Variants in STRADA observed in about 807,000 individuals in gnomAD.
STRADA encodes STE20-related kinase adapter protein alpha.
A neutral mutation model predicts 55.0 loss-of-function variants in STRADA; 26 were observed. The ratio of observed to expected loss-of-function variants is 0.47; its 90% CI spans 0.35 to 0.66. The LOEUF is 0.66. Among genes scored for constraint, STRADA ranks in the 30% least tolerant of loss-of-function variants. The pLI, the probability that STRADA is intolerant of heterozygous loss-of-function variation, is 0.01. For missense variants in STRADA, 443 were observed against 549.7 expected, an observed-to-expected ratio of 0.81 and a Z score of 1.94; for synonymous variants, 197 against 210.9, an observed-to-expected ratio of 0.93 and a Z score of 0.57.
intron 1 of STRADA, among the ~76,000 whole-genome samples, chr17:63,734,975 G>C (rs1450498038): frequency 6.6e-6 from 1 of 152,108 alleles, no homozygotes; most frequent in African/African-American, 2.4e-5. Flanking sequence ...CTGACCAACA[G>C]GGAGAAACCC....
chr17:63,738,284 T>C (rs2038597963), intron 1 of STRADA, among the ~76,000 whole-genome samples: 1 of 136,958 alleles, frequency 7.3e-6, no homozygotes. Flanking sequence ...GAGGTTGTAG[T>C]GAGCCGAGAG....
intron 1 of STRADA, among the ~76,000 whole-genome samples, chr17:63,729,974 A>G (rs1016624778): frequency 6.6e-6 from 1 of 151,616 alleles, no homozygotes; most frequent in Admixed American, 6.6e-5. Context: ...AGTAGCTGGG[A>G]TAACAGGTGC....
intron 6 of STRADA, among the ~76,000 whole-genome samples, chr17:63,713,109 G>A (rs2036616863): frequency 6.6e-6 from 1 of 152,140 alleles, no homozygotes; most frequent in Non-Finnish European, 1.5e-5. Context: ...TCTGGAACAA[G>A]ATGGCCTGGG....
chr17:63,723,084 A>G (rs1391996030), intron 4 of STRADA, among the ~76,000 whole-genome samples: 1 of 152,192 alleles, frequency 6.6e-6, no homozygotes, highest in Non-Finnish European at 1.5e-5. Flanking sequence ...AAGAGACAAA[A>G]ACTACCTGAG....
chr17:63,721,185 A>G (rs918498673), intron 4 of STRADA, among the ~76,000 whole-genome samples: 3 of 151,332 alleles, frequency 2.0e-5, no homozygotes, highest in African/African-American at 7.3e-5. Context: ...CATCCTGGAC[A>G]ACATGGTGAA....
chr17:63,708,986 T>C (rs1203331010), intron 8 of STRADA, among the ~76,000 whole-genome samples: 2 of 152,220 alleles, frequency 1.3e-5, no homozygotes, highest in Admixed American at 1.3e-4. Context: ...TATTGCTAGC[T>C]GTGTACCTTT....
chr17:63,711,638 T>C (rs2036504500), intron 6 of STRADA, among the ~76,000 whole-genome samples: 1 of 151,796 alleles, frequency 6.6e-6, no homozygotes, highest in South Asian at 2.1e-4. Flanking sequence ...ATGTTTCTAT[T>C]ATAAAAGAAA....
rs954653143 is a variant in STRADA, at chr17:63,703,258, G to A, written c.*341C>T. On this transcript the variant is annotated 3_prime_UTR_variant, in exon 13 of 13. Coordinates refer to ENST00000336174, the MANE Select transcript of STRADA (RefSeq NM_001003787.4). ...GCACTGGGAAGAGGTGGCGGTCCTC[G>A]GGTTTAAGGAGCCAAACCCTGGGCT... 4 of 217,996 alleles carry A rather than the reference G, an allele frequency of 1.8e-5. No individual in the cohort carries two copies. Among genetic ancestry groups the A allele is most frequent in the East Asian group, 1.1e-4 (1 of 8,708 alleles). The allele number at this position is 217,996 out of a possible 1,614,324, so 13.5% of individuals were successfully genotyped here.
intron 1 of STRADA, among the ~76,000 whole-genome samples, chr17:63,732,810 G>A (rs1319244125): frequency 6.6e-6 from 1 of 152,096 alleles, no homozygotes; most frequent in African/African-American, 2.4e-5. Flanking sequence ...TTGAACTCCT[G>A]GGCTCAAGTG....
intron 10 of STRADA, chr17:63,704,930 A>G: frequency 6.5e-7 from 1 of 1,533,934 alleles, no homozygotes; most frequent in Admixed American, 2.0e-5. Flanking sequence ...GAGCAGTCAG[A>G]TGAACCTGCT....
At chr17:63,703,810 T>C in intron 12 of STRADA, 59 bp from the exon 13 acceptor site, 1 of 1,608,744 alleles carries the variant, frequency 6.2e-7, no homozygotes, top group Non-Finnish European at 8.5e-7. Flanking sequence ...CAGGACACCA[T>C]GGGGCAAGGA....
intron 6 of STRADA, 109 bp from the exon 7 acceptor site, chr17:63,710,945 TCTCA>T: frequency 1.0e-6 from 1 of 989,316 alleles, no homozygotes; most frequent in Non-Finnish European, 1.5e-6. Flanking sequence ...TTCTGGGTGT[TCTCA>T]GAGTCATGGG....
intron 1 of STRADA, among the ~76,000 whole-genome samples, chr17:63,733,355 C>T (rs202205141): frequency 2.6e-5 from 4 of 150,982 alleles, no homozygotes; most frequent in Admixed American, 6.6e-5. Context: ...AGAATACAAT[C>T]TTTTTTTTTT....
At chr17:63,721,852 C>A (rs189098394) in intron 4 of STRADA, among the ~76,000 whole-genome samples, 1 of 152,306 alleles carries the variant, frequency 6.6e-6, no homozygotes, top group East Asian at 1.9e-4. Flanking sequence ...AGGAATGATT[C>A]TAAAATGGAG....
intron 3 of STRADA, chr17:63,723,643 A>C: frequency 3.4e-6 from 1 of 294,596 alleles, no homozygotes. Flanking sequence ...TCAACACACA[A>C]TGTTATTATG....
intron 1 of STRADA, among the ~76,000 whole-genome samples, chr17:63,728,655 T>G (rs2037812416): frequency 6.6e-6 from 1 of 150,910 alleles, no homozygotes; most frequent in Non-Finnish European, 1.5e-5. Flanking sequence ...TCCCAGCACT[T>G]TGGGAGGCCG....
At position 63,704,055 on chromosome 17, in the gene STRADA, G is replaced by T; in HGVS notation, c.1101-8C>A. 6.2e-7 allele frequency: 1 copy of T among 1,613,236 alleles called. No homozygotes were observed. Among genetic ancestry groups the T allele is most frequent in the Non-Finnish European group, 8.5e-7 (1 of 1,179,618 alleles). On this transcript the variant is annotated splice_polypyrimidine_tract_variant and splice_region_variant and intron_variant, in intron 11 of 12. Coordinates refer to ENST00000336174, the MANE Select transcript of STRADA (RefSeq NM_001003787.4). ...AGGGTGCTGGCACTGGGCCTGGAGG[G>T]AAAGGGGAGGAGAGACCGCAGCATC...
chr17:63,704,217 C>T (rs764328752), intron 11 of STRADA, 124 bp downstream of exon 11: 10 of 1,537,612 alleles, frequency 6.5e-6, no homozygotes, highest in Non-Finnish European at 8.7e-6. Flanking sequence ...GAGCTGATCC[C>T]TCCTGTGTGT....
intron 9 of STRADA, 94 bp downstream of exon 9, chr17:63,707,153 G>C (rs2036148215): frequency 1.3e-6 from 2 of 1,516,142 alleles, no homozygotes; most frequent in Non-Finnish European, 1.8e-6. Context: ...TACCCCACTG[G>C]GAGGTTGAGA....
Sources: gnomAD v4.1 joint callset for allele counts (sites outside exome capture counted in the v4.1 genomes callset) on GRCh38, gnomAD v4.1.1 for gene constraint, MANE v1.5 for transcripts, NCBI Gene and HGNC (gene_info 2026-07-23, HGNC 2026-07-21) for gene names.